SNX5: variants seen among roughly 807,000 people sequenced by gnomAD.
SNX5 encodes sorting nexin 5.
SNX5 carries 31 observed loss-of-function variants against 53.9 expected under a neutral mutation model. The ratio of observed to expected loss-of-function variants is 0.58; its 90% CI spans 0.43 to 0.78. SNX5 has a LOEUF of 0.78. Ranked by LOEUF, SNX5 falls within the 30% of genes least tolerant of loss-of-function variation. The pLI, the probability that SNX5 is intolerant of heterozygous loss-of-function variation, is 0.00. For missense variants in SNX5, 471 were observed against 478.8 expected (o/e 0.98, Z 0.15); for synonymous variants, 168 against 171.1 (o/e 0.98, Z 0.14).
At chr20:17,949,702 CA>C (rs939790652) in intron 8 of SNX5, among the ~76,000 whole-genome samples, 4 of 151,966 alleles carry the variant, frequency 2.6e-5, no homozygotes, top group African/African-American at 9.7e-5. Flanking sequence ...CCACTATAAC[CA>C]AATCTCTTCA....
intron 1 of SNX5, chr20:17,961,591 C>T: frequency 1.0e-6 from 1 of 970,778 alleles, no homozygotes; most frequent in South Asian, 4.9e-5. Context: ...TTTGAATATC[C>T]CACATAAATT....
chr20:17,957,968 AG>A (rs1038869296), intron 1 of SNX5, among the ~76,000 whole-genome samples: 1 of 148,708 alleles, frequency 6.7e-6, no homozygotes, highest in Admixed American at 6.8e-5. Context: ...GGAAATTGAG[AG>A]GAAAAAAACT....
intron 5 of SNX5, among the ~76,000 whole-genome samples, chr20:17,952,355 T>C (rs539128656): frequency 6.6e-6 from 1 of 152,316 alleles, no homozygotes; most frequent in South Asian, 2.1e-4. Flanking sequence ...AAGGGATGTT[T>C]GGGACTGTTA....
Position 17,950,205 on chromosome 20 carries a change from C to A in SNX5, c.718G>T (p.Val240Phe), listed in dbSNP as rs775946902. 23 of 1,614,052 alleles carry A rather than the reference C, an allele frequency of 1.4e-5. No individual in the cohort carries two copies. The highest frequency in any genetic ancestry group is 1.9e-5 in the Non-Finnish European group (23 of 1,180,022). ...ADKMTRSHKNVADDYIHTAAC... is the reference protein window; with the variant it reads ...ADKMTRSHKNFADDYIHTAAC... ...GCGGTGTGGATATAGTCATCGGCAACATCTGCAGAAACAAGGACAAGTCTT... is the reference window on the plus strand; with the variant it reads ...GCGGTGTGGATATAGTCATCGGCAAAATCTGCAGAAACAAGGACAAGTCTT... The change falls in exon 8 of 13, where the codon GTT becomes TTT. Residue 240 changes from valine (V) to phenylalanine (F), a missense_variant and splice_region_variant. Coordinates refer to ENST00000377759, the MANE Select transcript of SNX5 (RefSeq NM_014426.4).
chr20:17,963,049 A>C, intron 1 of SNX5: 1 of 363,326 alleles, frequency 2.8e-6, no homozygotes, highest in Non-Finnish European at 5.5e-6. Flanking sequence ...ATTACTAAGT[A>C]CCGAAATTAT....
chr20:17,946,060 C>A (rs531131312), intron 11 of SNX5, among the ~76,000 whole-genome samples: 1 of 152,280 alleles, frequency 6.6e-6, no homozygotes, highest in Non-Finnish European at 1.5e-5. Flanking sequence ...CAGAGAAGAT[C>A]CACAGAATCC....
intron 1 of SNX5, among the ~76,000 whole-genome samples, chr20:17,959,447 C>G (rs1330024609): frequency 1.4e-5 from 2 of 148,026 alleles, no homozygotes; most frequent in East Asian, 4.0e-4. Context: ...GCAACCACAG[C>G]ATATCAAACA....
rs1490205233 is a variant in SNX5, at chr20:17,948,870, C to G, written c.918+20G>C. On this transcript the variant is annotated intron_variant, in intron 10 of 12. Transcript: ENST00000377759. The stretch of plus-strand genomic sequence containing the variant: ...TCTGGTCCTGCACTGCTCTGAGAAG[C>G]TGAGCAACTCTCTTCCTACCTTAGC... 1.2e-5 allele frequency: 19 copies of G among 1,603,272 alleles called. No individual in the cohort carries two copies. Among genetic ancestry groups the G allele is most frequent in the Non-Finnish European group, 1.6e-5 (19 of 1,171,836 alleles).
chr20:17,959,654 G>A (rs2035417866), intron 1 of SNX5, among the ~76,000 whole-genome samples: 1 of 152,160 alleles, frequency 6.6e-6, no homozygotes, highest in Non-Finnish European at 1.5e-5. Flanking sequence ...TTAACTCAAT[G>A]TCCCCCAGGC....
Position 17,951,523 on chromosome 20 carries a change from C to T in SNX5, c.586G>A (p.Glu196Lys). 6.2e-7 allele frequency: 1 copy of T among 1,611,710 alleles called. No individual in the cohort carries two copies. The highest frequency in any genetic ancestry group is 1.3e-5 in the African/African-American group (1 of 74,986). Residue 196 changes from glutamate to lysine, a missense_variant, in exon 6 of 13, where the codon GAA (glutamate) becomes AAA (lysine). Transcript: ENST00000377759. Reference sequence around the variant, plus strand: ...ACCTTAACTCCAGTAAAAAGGACTTCATCAGCACTTTTCACCACACTTTTG... The same window carrying T: ...ACCTTAACTCCAGTAAAAAGGACTTTATCAGCACTTTTCACCACACTTTTG... ...FFKSVVKSAD[E>K]VLFTGVKEVD... is the part of the protein sequence containing the mutation.
rs781031324 is a variant in SNX5, at chr20:17,950,355, A to C, written c.651T>G (p.Ile217Met). ...AATCTTTGATCCTATTGTAATAGTT[A>C]ATAAGGAAGTTCTTCTCTTGCTCAA... ...DFFEQEKNFL[I>M]NYYNRIKDSC... Residue 217 changes from isoleucine (I) to methionine (M), a missense_variant, in exon 7 of 13, where the codon ATT (isoleucine) becomes ATG (methionine). Ile to Met is a conservative substitution (Grantham distance 10). Coordinates refer to ENST00000377759, the MANE Select transcript of SNX5 (RefSeq NM_014426.4). 4 of 1,613,362 alleles carry C rather than the reference A, an allele frequency of 2.5e-6. No homozygotes were observed. In the South Asian group the frequency reaches 4.4e-5, roughly 18 times the overall value.
Position 17,968,469 on chromosome 20 carries a change from A to G in SNX5, c.-44T>C. The G allele has an allele frequency of 1.6e-6, 2 of 1,274,300 alleles. No homozygotes were observed. The highest frequency in any genetic ancestry group is 3.1e-5 in the East Asian group (1 of 32,024). The allele number at this position is 1,274,300 out of a possible 1,614,324, so 78.9% of individuals were successfully genotyped here. On this transcript the variant is annotated 5_prime_UTR_variant, in exon 1 of 13. Transcript: ENST00000377759. The stretch of plus-strand genomic sequence containing the variant: ...CAGGGGCCGCCTGGCTGTGCGAGGA[A>G]AGAAGAAGCTGGGCCGCCGCCGCCG...
At position 17,961,806 on chromosome 20, in the gene SNX5, T is replaced by C. The variant is rs116950838; in HGVS notation, c.52-4769A>G. On this transcript the variant is annotated intron_variant, in intron 1 of 12. Transcript: ENST00000377759. The stretch of plus-strand genomic sequence containing the variant: ...GATTTTGCCAGCAAGAGGGCCAATA[T>C]GACAAATCATCGATGATTCTTAGCA... 9.3e-3 allele frequency: 9,156 copies of C among 985,446 alleles called. 64 individuals are homozygous for C. The highest frequency in any genetic ancestry group is 0.01 in the Non-Finnish European group (8,354 of 829,912). The allele number at this position is 985,446 out of a possible 1,614,324, so 61.0% of individuals were successfully genotyped here. A position where few individuals can be genotyped will look rare whatever the true frequency, so the allele number is the denominator to read the frequency against.
chr20:17,945,802 T>A (rs1269408485), intron 11 of SNX5, among the ~76,000 whole-genome samples: 1 of 152,214 alleles, frequency 6.6e-6, no homozygotes, highest in Non-Finnish European at 1.5e-5. Flanking sequence ...ATTAGAAATC[T>A]ATAAAGTCTA....
chr20:17,946,153 CAAGA>C (rs1264279210), intron 11 of SNX5, among the ~76,000 whole-genome samples: 3 of 152,150 alleles, frequency 2.0e-5, no homozygotes, highest in Non-Finnish European at 4.4e-5. Flanking sequence ...ATGGATAAGG[CAAGA>C]AAGAACCCTA....
intron 1 of SNX5, among the ~76,000 whole-genome samples, chr20:17,959,929 G>A (rs1396874905): frequency 6.6e-6 from 1 of 152,044 alleles, no homozygotes; most frequent in African/African-American, 2.4e-5. Context: ...AAGCTTGAAG[G>A]GCTCAGAGTA....
intron 1 of SNX5, among the ~76,000 whole-genome samples, chr20:17,966,001 A>C (rs950104828): frequency 2.6e-5 from 4 of 152,106 alleles, no homozygotes; most frequent in Non-Finnish European, 5.9e-5. Flanking sequence ...CAGCTTCCAC[A>C]CCAGTTAAAC....
intron 3 of SNX5, among the ~76,000 whole-genome samples, chr20:17,954,456 T>C (rs1381526297): frequency 6.6e-6 from 1 of 152,092 alleles, no homozygotes; most frequent in Non-Finnish European, 1.5e-5. Context: ...CCATCAAGAT[T>C]ATAAAGTGTT....
chr20:17,943,779 T>A (rs756634364), intron 11 of SNX5: 6 of 152,246 alleles, frequency 3.9e-5, no homozygotes, highest in Non-Finnish European at 7.3e-5. Context: ...ACAGCCACCA[T>A]GGAAAATGGT....
Sources: gnomAD v4.1 joint callset for allele counts (sites outside exome capture counted in the v4.1 genomes callset) on GRCh38, gnomAD v4.1.1 for gene constraint, MANE v1.5 for transcripts, NCBI Gene and HGNC (gene_info 2026-07-23, HGNC 2026-07-21) for gene names.